The following ESCO1 variants were observed in gnomAD, a reference collection of about 807,000 sequenced individuals.
ESCO1 encodes the protein N-acetyltransferase ESCO1.
ESCO1 carries 33 observed loss-of-function variants against 83.5 expected under a neutral mutation model. That is an observed-to-expected ratio of 0.40 (90% confidence interval 0.30 to 0.53). The LOEUF (loss-of-function observed/expected upper bound fraction) is 0.53. Ranked by LOEUF, ESCO1 falls within the 20% of genes least tolerant of loss-of-function variation. The pLI is 0.63. For missense variants in ESCO1, 855 were observed against 968.0 expected (o/e 0.88, Z 1.55); for synonymous variants, 332 against 324.3 (o/e 1.02, Z -0.25).
At chr18:21,563,505 G>A (rs957348504) in intron 7 of ESCO1, among the ~76,000 whole-genome samples, 31 of 151,904 alleles carry the variant, frequency 2.0e-4, no homozygotes, top group African/African-American at 4.1e-4. Context: ...CTGCCACCAC[G>A]CCTGGCTAAT....
intron 1 of ESCO1, among the ~76,000 whole-genome samples, chr18:21,594,925 C>CCGTGTG (rs2038738292): frequency 7.0e-6 from 1 of 143,694 alleles, no homozygotes; most frequent in South Asian, 2.3e-4. Context: ...TCTACAACTA[C>CCGTGTG]TGTGTGTGTG....
At chr18:21,557,592 T>C (rs1230207165) in intron 8 of ESCO1, among the ~76,000 whole-genome samples, 2 of 152,234 alleles carry the variant, frequency 1.3e-5, no homozygotes, top group Non-Finnish European at 2.9e-5. Context: ...GGAAAGGGCA[T>C]AGCCCTGAGA....
chr18:21,585,857 T>C (rs1944114862), intron 1 of ESCO1, among the ~76,000 whole-genome samples: 1 of 152,164 alleles, frequency 6.6e-6, no homozygotes, highest in South Asian at 2.1e-4. Flanking sequence ...CCTCCCAAAA[T>C]GCTAGGATTA....
chr18:21,570,504 C>T (rs1293688969), intron 4 of ESCO1, among the ~76,000 whole-genome samples: 1 of 152,130 alleles, frequency 6.6e-6, no homozygotes, highest in Non-Finnish European at 1.5e-5. Flanking sequence ...GTTGATTACA[C>T]AAAGCCAAGT....
chr18:21,564,164 T>C, intron 7 of ESCO1, 39 bp downstream of exon 7: 1 of 1,274,086 alleles, frequency 7.8e-7, no homozygotes, highest in Non-Finnish European at 1.1e-6. Flanking sequence ...AAGATGGTTC[T>C]AACAACAATT....
Position 21,563,825 on chromosome 18 carries a change from G to A in ESCO1, c.1821+378C>T, listed in dbSNP as rs547876745. Among the ~76,000 whole-genome samples, 21 of 152,128 alleles carry A rather than the reference G, an allele frequency of 1.4e-4. No homozygotes were observed. The East Asian group carries it at 4.1e-3, about 29-fold the overall frequency. On this transcript the variant is annotated intron_variant, in intron 7 of 11. Transcript: ENST00000269214. ...ATGTCCAATGTGACAGTGTTTGGAG[G>A]TGGGGCTTAGTGAGATATGTTTGCG... is the stretch of plus-strand genomic sequence containing the variant.
intron 4 of ESCO1, among the ~76,000 whole-genome samples, chr18:21,568,976 T>C (rs1018298939): frequency 2.6e-5 from 4 of 152,140 alleles, no homozygotes; most frequent in African/African-American, 4.8e-5. Context: ...ACTCCATTAA[T>C]GTGGCTACCA....
chr18:21,551,380 G>A lies in ESCO1; in HGVS notation c.1953+9479C>T, dbSNP rs531403284. 1.5e-3 allele frequency among the ~76,000 whole-genome samples: 231 copies of A among 152,016 alleles called. 3 individuals carry two copies. The highest frequency in any genetic ancestry group is 5.1e-3 in the African/African-American group (210 of 41,498). On this transcript the variant is annotated intron_variant, in intron 8 of 11. Coordinates refer to ENST00000269214, the MANE Select transcript of ESCO1 (RefSeq NM_052911.3). ...TGGGAGGCGGAGCTTGTAGTGAGCC[G>A]AGATTGTGCCACTGCACTCCAGCCT...
Position 21,586,945 on chromosome 18 carries a change from A to T in ESCO1, c.-824-2505T>A, listed in dbSNP as rs914068321. 3.3e-5 allele frequency among the ~76,000 whole-genome samples: 5 copies of T among 152,204 alleles called. No individual in the cohort carries two copies. The East Asian group carries it at 5.8e-4, about 18-fold the overall frequency. ...TTCTAGTTTGTTGAGCAGTTTTATC[A>T]TGAAAGGATATTTCATTTTGTCAGA... On this transcript the variant is annotated intron_variant, in intron 1 of 11. Transcript: ENST00000269214.
At chr18:21,536,590 CAAAA>C (rs35366987) in intron 9 of ESCO1, among the ~76,000 whole-genome samples, 3 of 96,832 alleles carry the variant, frequency 3.1e-5, no homozygotes, top group Non-Finnish European at 2.0e-5. Context: ...GACTCCATCT[CAAAA>C]AAAAAAAAAA....
chr18:21,598,394 G>A (rs2038794590), intron 1 of ESCO1, among the ~76,000 whole-genome samples: 1 of 152,068 alleles, frequency 6.6e-6, no homozygotes. Flanking sequence ...ACCTTGTATG[G>A]GACGGACATT....
intron 2 of ESCO1, among the ~76,000 whole-genome samples, chr18:21,581,444 T>C (rs2038501274): frequency 6.6e-6 from 1 of 151,902 alleles, no homozygotes; most frequent in African/African-American, 2.4e-5. Context: ...GACTCTAAAA[T>C]AGGCCTGAAA....
chr18:21,559,504 A>G (rs1223572518), intron 8 of ESCO1, among the ~76,000 whole-genome samples: 1 of 152,216 alleles, frequency 6.6e-6, no homozygotes, highest in Non-Finnish European at 1.5e-5. Flanking sequence ...CTTAAGGTGA[A>G]GAATTAAGAC....
intron 8 of ESCO1, among the ~76,000 whole-genome samples, chr18:21,557,520 A>T (rs886785221): frequency 1.3e-5 from 2 of 152,212 alleles, no homozygotes; most frequent in African/African-American, 4.8e-5. Context: ...TTATTGCTTT[A>T]ATAGTTTCTT....
chr18:21,557,830 C>T (rs1334189618), intron 8 of ESCO1, among the ~76,000 whole-genome samples: 2 of 152,152 alleles, frequency 1.3e-5, no homozygotes, highest in Non-Finnish European at 2.9e-5. Context: ...GGGGAGAGAA[C>T]TCGTGCTTTC....
chr18:21,553,386 C>T (rs1460200469), intron 8 of ESCO1, among the ~76,000 whole-genome samples: 1 of 142,322 alleles, frequency 7.0e-6, no homozygotes, highest in Non-Finnish European at 1.5e-5. Flanking sequence ...GCAGGTGGAT[C>T]ACTTGCACCC....
At chr18:21,555,112 TAAAG>T (rs936304064) in intron 8 of ESCO1, among the ~76,000 whole-genome samples, 1 of 151,408 alleles carries the variant, frequency 6.6e-6, no homozygotes, top group Non-Finnish European at 1.5e-5. Context: ...ACTAACTAAA[TAAAG>T]ACATGGGAGA....
At chr18:21,597,724 AC>A (rs2038786071) in intron 1 of ESCO1, among the ~76,000 whole-genome samples, 1 of 152,142 alleles carries the variant, frequency 6.6e-6, no homozygotes, top group African/African-American at 2.4e-5. Context: ...AATACTTAAT[AC>A]CACCTTTTAA....
chr18:21,574,648 T>C lies in ESCO1; in HGVS notation c.196A>G (p.Met66Val), dbSNP rs1438413329. 5 of 1,613,954 alleles carry C rather than the reference T, an allele frequency of 3.1e-6. No individual in the cohort carries two copies. Among genetic ancestry groups the C allele is most frequent in the South Asian group, 1.1e-5 (1 of 91,064 alleles). The change falls in exon 4 of 12, where the codon ATG (methionine) becomes GTG (valine). Residue 66 changes from methionine to valine, a missense_variant. By Grantham distance (21) the Met-to-Val change is conservative. Around this residue, in one of 2 missense-constraint regions of ESCO1, gnomAD observed 726 missense variants for 699.5 expected, o/e 1.04. Transcript: ENST00000269214. ...GCTGCCTTTGATGACCTTGTACTCA[T>C]GCGTGTTTCCAATTCTGGCTGATTT... ...KINQPELETR[M>V]STRSSKAASN...
Sources: allele counts gnomAD v4.1 joint callset (sites outside exome capture counted in the v4.1 genomes callset), GRCh38; gene constraint gnomAD v4.1.1; regional missense constraint gnomAD v4.1.1; transcripts MANE v1.5; gene names NCBI Gene and HGNC (gene_info 2026-07-23, HGNC 2026-07-21).